The following BCR variants were observed in gnomAD, a reference collection of about 807,000 sequenced individuals.
BCR encodes BCR activator of RhoGEF and GTPase.
In BCR, 58 loss-of-function variants were observed where a neutral mutation model predicts 138.6. The ratio of observed to expected loss-of-function variants is 0.42; its 90% confidence interval spans 0.34 to 0.52. The LOEUF is 0.52. Ranked by LOEUF, BCR falls within the 20% of genes least tolerant of loss-of-function variation. BCR has a pLI of 0.06. For missense variants in BCR, 1,599 were observed against 1,727.2 expected (o/e 0.93, Z 1.32); for synonymous variants, 786 against 730.1 (o/e 1.08, Z -1.23).
At chr22:23,278,537 G>A (rs2073605468) in intron 8 of BCR, among the ~76,000 whole-genome samples, 1 of 152,130 alleles carries the variant, frequency 6.6e-6, no homozygotes, top group Non-Finnish European at 1.5e-5. Context: ...GACCAGCCTG[G>A]CCAACATGGT....
Position 23,180,854 on chromosome 22 carries a change from G to GT in BCR, c.-107_-106insT, listed in dbSNP as rs1569232577. On this transcript the variant is annotated 5_prime_UTR_variant, in exon 1 of 23. Coordinates refer to ENST00000305877, the MANE Select transcript of BCR (RefSeq NM_004327.4). ...TGTTCGCCGCCGCCGCCGCCGCGCG[G>GT]GCCATGGGGGCCGCCCGGCGCCCGG... The GT allele has an allele frequency of 3.2e-6, 2 of 634,624 alleles. No homozygotes were observed. Among genetic ancestry groups the GT allele is most frequent in the South Asian group, 6.7e-5 (1 of 14,860 alleles). 39.3% of individuals were successfully genotyped at this position (634,624 alleles called of 1,614,324 possible).
At chr22:23,220,003 G>A (rs1157216324) in intron 1 of BCR, among the ~76,000 whole-genome samples, 1 of 152,150 alleles carries the variant, frequency 6.6e-6, no homozygotes, top group African/African-American at 2.4e-5. Context: ...CTTCTGACTC[G>A]AAGGACACGG....
rs191440204 is a variant in BCR, at chr22:23,213,986, A to G, written c.1279+31747A>G. On this transcript the variant is annotated intron_variant, in intron 1 of 22. Coordinates refer to ENST00000305877, the MANE Select transcript of BCR (RefSeq NM_004327.4). ...TGGGTAAAATACAGTAAGTTTCCTC[A>G]TCTGTGAAATAGAAATCCCACTAGT... Among the ~76,000 whole-genome samples, 270 of 152,342 alleles carry G rather than the reference A, an allele frequency of 1.8e-3. 2 individuals carry two copies. The highest frequency in any genetic ancestry group is 3.2e-3 in the Non-Finnish European group (221 of 68,038).
chr22:23,181,035 G>C lies in BCR; in HGVS notation c.75G>C (p.Leu25=), dbSNP rs904813538. Reference sequence around the variant, plus strand: ...ACTCAGAGCCCCCGCGCATGGAGCTGCGCTCAGTGGGCGACATCGAGCAGG... The same window carrying C: ...ACTCAGAGCCCCCGCGCATGGAGCTCCGCTCAGTGGGCGACATCGAGCAGG... ...FPDSEPPRME[L]RSVGDIEQEL... is the part of the protein sequence containing the mutation. The change falls in exon 1 of 23, where the codon CTG becomes CTC. Residue 25 remains leucine (L), a synonymous_variant. Coordinates refer to ENST00000305877, the MANE Select transcript of BCR (RefSeq NM_004327.4). 2.0e-6 allele frequency: 3 copies of C among 1,519,574 alleles called. No individual in the cohort carries two copies. The highest frequency in any genetic ancestry group is 1.4e-5 in the African/African-American group (1 of 70,548). 94.1% of individuals were successfully genotyped at this position (1,519,574 alleles called of 1,614,324 possible). A position where few individuals can be genotyped will look rare whatever the true frequency, so the allele number is the denominator to read the frequency against.
chr22:23,286,558 G>A (rs1296002182), intron 10 of BCR, among the ~76,000 whole-genome samples: 1 of 152,174 alleles, frequency 6.6e-6, no homozygotes, highest in Non-Finnish European at 1.5e-5. Flanking sequence ...GACTGTTACT[G>A]TTGCATTCTC....
At chr22:23,225,885 T>G (rs1282054415) in intron 1 of BCR, among the ~76,000 whole-genome samples, 1 of 152,218 alleles carries the variant, frequency 6.6e-6, no homozygotes, top group Non-Finnish European at 1.5e-5. Flanking sequence ...GCTTTGAGCC[T>G]TCATTTTTGT....
intron 4 of BCR, chr22:23,262,829 G>T (rs1220844269): frequency 1.8e-5 from 18 of 1,022,394 alleles, no homozygotes; most frequent in Non-Finnish European, 9.4e-6. Context: ...CAAGGCGGAA[G>T]AGGAAGCAGG....
chr22:23,241,846 C>T (rs1051761815), intron 1 of BCR, among the ~76,000 whole-genome samples: 3 of 152,132 alleles, frequency 2.0e-5, no homozygotes, highest in African/African-American at 4.8e-5. Context: ...CCTCTAGGCT[C>T]CCCTCTTGTT....
In BCR at chr22:23,181,892, G is replaced by C; in HGVS notation, c.932G>C (p.Trp311Ser). 3.1e-6 allele frequency: 5 copies of C among 1,613,410 alleles called. No homozygotes were observed. Among genetic ancestry groups the C allele is most frequent in the Non-Finnish European group, 4.2e-6 (5 of 1,179,942 alleles). ...STSEQEKRLT[W>S]PRRSYSPRSF... ...TCTGAGCAGGAGAAGCGCCTTACCT[G>C]GCCCCGCAGGTCCTACTCCCCCCGG... The change falls in exon 1 of 23, where the codon TGG becomes TCG. Residue 311 changes from tryptophan (W) to serine (S), a missense_variant. Trp to Ser is a radical substitution (Grantham distance 177). Around this residue, in one of 4 missense-constraint regions of BCR, gnomAD observed 806 missense variants for 635.0 expected, o/e 1.27. Transcript: ENST00000305877.
rs74340270 is a variant in BCR at position 23,299,992 on chromosome 22, T to C, written c.3012+4837T>C. Among the ~76,000 whole-genome samples the C allele has an allele frequency of 3.3e-3, 501 of 152,314 alleles. 4 individuals are homozygous for C. Among genetic ancestry groups the C allele is most frequent in the African/African-American group, 0.011 (470 of 41,564 alleles). On this transcript the variant is annotated intron_variant, in intron 16 of 22. Coordinates refer to ENST00000305877, the MANE Select transcript of BCR (RefSeq NM_004327.4). ...TTATCTTAGCCAGAAGGCTGAGAAG[T>C]AATTCCTTCCTTTTTAAAAAAATTG...
chr22:23,246,623 G>A (rs966486570), intron 1 of BCR, among the ~76,000 whole-genome samples: 1 of 152,178 alleles, frequency 6.6e-6, no homozygotes, highest in African/African-American at 2.4e-5. Context: ...GCACAGTCAA[G>A]CTCTGCCTGA....
At chr22:23,222,759 C>T (rs750598728) in intron 1 of BCR, among the ~76,000 whole-genome samples, 25 of 152,164 alleles carry the variant, frequency 1.6e-4, no homozygotes, top group Non-Finnish European at 3.2e-4. Flanking sequence ...CTGTTGGAAC[C>T]TTGAGGTGGT....
intron 1 of BCR, among the ~76,000 whole-genome samples, chr22:23,190,930 T>G (rs943944924): frequency 5.3e-5 from 8 of 152,146 alleles, no homozygotes; most frequent in Admixed American, 4.6e-4. Flanking sequence ...AATTTAAAAT[T>G]TATTACCTTT....
rs1488158481 is a variant in BCR, at chr22:23,181,724, T to C, written c.764T>C (p.Phe255Ser). 6.2e-7 allele frequency: 1 copy of C among 1,603,862 alleles called. No homozygotes were observed. Among genetic ancestry groups the C allele is most frequent in the Non-Finnish European group, 8.5e-7 (1 of 1,179,932 alleles). The part of the protein sequence containing the change: ...DYEDAELNPR[F>S]LKDNLIDANG... ...GAGGACGCCGAGTTGAACCCCCGCT[T>C]CCTGAAGGACAACCTGATCGACGCC... The change falls in exon 1 of 23, where the codon TTC becomes TCC. Residue 255 changes from phenylalanine to serine, a missense_variant. Phe to Ser is a radical substitution (Grantham distance 155). Coordinates refer to ENST00000305877, the MANE Select transcript of BCR (RefSeq NM_004327.4).
intron 1 of BCR, among the ~76,000 whole-genome samples, chr22:23,224,244 A>G (rs1000795496): frequency 6.6e-6 from 1 of 152,064 alleles, no homozygotes; most frequent in African/African-American, 2.4e-5. Flanking sequence ...TGGCATTTAT[A>G]CCTTTACTTG....
chr22:23,182,329 G>C, intron 1 of BCR, 90 bp downstream of exon 1: 2 of 1,385,686 alleles, frequency 1.4e-6, no homozygotes, highest in Non-Finnish European at 1.9e-6. Context: ...AGTTGGGAGG[G>C]AGGAGTGGAT....
chr22:23,219,900 C>G (rs952686241), intron 1 of BCR, among the ~76,000 whole-genome samples: 9 of 83,664 alleles, frequency 1.1e-4, no homozygotes, highest in Admixed American at 3.4e-4. Flanking sequence ...CTTCATGCCT[C>G]CTTCCTGGGC....
intron 1 of BCR, among the ~76,000 whole-genome samples, chr22:23,197,448 T>TTA (rs2072497796): frequency 6.6e-6 from 1 of 152,370 alleles, no homozygotes; most frequent in East Asian, 1.9e-4. Context: ...TACATTTATA[T>TTA]TATTCTTATT....
intron 8 of BCR, chr22:23,283,766 A>C (rs761394813): frequency 1.7e-6 from 1 of 585,662 alleles, no homozygotes; most frequent in Non-Finnish European, 2.8e-6. Context: ...TGAACAAAGA[A>C]GTTACACATA....
Sources: gnomAD v4.1 joint callset for allele counts (sites outside exome capture counted in the v4.1 genomes callset) on GRCh38, gnomAD v4.1.1 for gene constraint, gnomAD v4.1.1 regional missense constraint, MANE v1.5 for transcripts, NCBI Gene and HGNC (gene_info 2026-07-23, HGNC 2026-07-21) for gene names.